Variants in CFAP210 observed in about 807,000 individuals in gnomAD.
CFAP210 encodes the protein cilia and flagella associated protein 210, also known as cilia- and flagella- associated protein 210.
the CFAP210 span, among the ~76,000 whole-genome samples, chr2:169,673,499 A>T: frequency 7.9e-4 from 121 of 152,354 alleles, 3 homozygotes; most frequent in East Asian, 0.011. Flanking sequence ...GTTACTAAGG[A>T]CTGAATTGAA....
At chr2:169,668,144 C>T in the CFAP210 span, among the ~76,000 whole-genome samples, 1 of 152,216 alleles carries the variant, frequency 6.6e-6, no homozygotes, top group Non-Finnish European at 1.5e-5. Context: ...TACATTAGCA[C>T]TTGATGCTTC....
chr2:169,665,612 C>A, the CFAP210 span, among the ~76,000 whole-genome samples: 1 of 152,094 alleles, frequency 6.6e-6, no homozygotes, highest in Non-Finnish European at 1.5e-5. Flanking sequence ...TATAAAAATA[C>A]GTTGCCAGTG....
chr2:169,668,974 A>G, the CFAP210 span, among the ~76,000 whole-genome samples: 1 of 152,244 alleles, frequency 6.6e-6, no homozygotes, highest in Non-Finnish European at 1.5e-5. Context: ...AAAAAACACA[A>G]TATCTGCAAA....
chr2:169,660,636 C>A, the CFAP210 span, among the ~76,000 whole-genome samples: 1 of 147,498 alleles, frequency 6.8e-6, no homozygotes, highest in East Asian at 2.0e-4. Context: ...CAGAGTCTTG[C>A]TCTATTGCCC....
the CFAP210 span, among the ~76,000 whole-genome samples, chr2:169,669,882 A>G: frequency 1.3e-5 from 2 of 152,126 alleles, no homozygotes; most frequent in Non-Finnish European, 2.9e-5. Context: ...ATACCATGGA[A>G]GCAGCTGGAT....
At chr2:169,649,331 C>A in the CFAP210 span, 7 of 1,610,126 alleles carry the variant, frequency 4.3e-6, no homozygotes, top group Non-Finnish European at 4.2e-6. Flanking sequence ...CTTTCTTCTT[C>A]CTCTTTATTT....
chr2:169,673,439 A>G, the CFAP210 span, among the ~76,000 whole-genome samples: 1 of 152,244 alleles, frequency 6.6e-6, no homozygotes, highest in Non-Finnish European at 1.5e-5. Context: ...TTAGATCTCT[A>G]CACTGCCAAA....
At chr2:169,656,541 A>G in the CFAP210 span, among the ~76,000 whole-genome samples, 3 of 152,042 alleles carry the variant, frequency 2.0e-5, no homozygotes, top group Admixed American at 2.0e-4. Flanking sequence ...CAGGAAATAG[A>G]GTACTCCCTT....
At chr2:169,693,443 C>A in the CFAP210 span, among the ~76,000 whole-genome samples, 22 of 152,224 alleles carry the variant, frequency 1.4e-4, no homozygotes, top group African/African-American at 5.3e-4. Flanking sequence ...ATAAAACCTC[C>A]ACTGCATAAA....
At chr2:169,694,379 A>G in the CFAP210 span, 2 of 1,573,756 alleles carry the variant, frequency 1.3e-6, no homozygotes, top group Admixed American at 3.4e-5. Flanking sequence ...CGCGGACGCC[A>G]GCCGGTGGAG....
At chr2:169,647,191 T>TA in the CFAP210 span, among the ~76,000 whole-genome samples, 7 of 113,250 alleles carry the variant, frequency 6.2e-5, no homozygotes, top group South Asian at 2.5e-4. Context: ...GGAGAAAAAG[T>TA]CAAAAAAAAG....
At chr2:169,678,336 T>G in the CFAP210 span, among the ~76,000 whole-genome samples, 1 of 128,114 alleles carries the variant, frequency 7.8e-6, no homozygotes, top group African/African-American at 2.9e-5. Context: ...AGCGAAACTC[T>G]GTTGCAAAAA....
At chr2:169,679,962 A>T in the CFAP210 span, among the ~76,000 whole-genome samples, 1 of 152,198 alleles carries the variant, frequency 6.6e-6, no homozygotes, top group Non-Finnish European at 1.5e-5. Context: ...AAGACACAGT[A>T]AGGAAATGAA....
chr2:169,652,306 A>G, the CFAP210 span, among the ~76,000 whole-genome samples: 1 of 152,236 alleles, frequency 6.6e-6, no homozygotes, highest in Non-Finnish European at 1.5e-5. Flanking sequence ...TGGACAAATG[A>G]GAAAAAAAGA....
the CFAP210 span, among the ~76,000 whole-genome samples, chr2:169,686,276 A>G: frequency 6.6e-6 from 1 of 151,908 alleles, no homozygotes; most frequent in Non-Finnish European, 1.5e-5. Flanking sequence ...TGTTTTAGCT[A>G]TTCTATTGTC....
At chr2:169,689,470 C>T in the CFAP210 span, among the ~76,000 whole-genome samples, 1 of 152,180 alleles carries the variant, frequency 6.6e-6, no homozygotes, top group Non-Finnish European at 1.5e-5. Flanking sequence ...AACTGATCAT[C>T]TTTCAATGCC....
the CFAP210 span, chr2:169,650,438 A>G: frequency 1.9e-6 from 3 of 1,607,140 alleles, no homozygotes; most frequent in Non-Finnish European, 2.5e-6. Flanking sequence ...ATCTCTAGCA[A>G]TAATCATATC....
chr2:169,658,727 C>A, the CFAP210 span: 3 of 320,242 alleles, frequency 9.4e-6, no homozygotes, highest in East Asian at 1.1e-4. Flanking sequence ...GTTATTGCAT[C>A]ATGGATTTAA....
chr2:169,673,606 G>A, the CFAP210 span, among the ~76,000 whole-genome samples: 1 of 143,874 alleles, frequency 7.0e-6, no homozygotes, highest in South Asian at 2.2e-4. Flanking sequence ...GTGACATACA[G>A]GTATGTGAAA....
Sources: gnomAD v4.1 joint callset for allele counts (sites outside exome capture counted in the v4.1 genomes callset) on GRCh38, gnomAD v4.1.1 for gene constraint, MANE v1.5 for transcripts, NCBI Gene and HGNC (gene_info 2026-07-23, HGNC 2026-07-21) for gene names.